UGT2B11: variants seen among roughly 807,000 people sequenced by gnomAD.
UGT2B11 encodes UDP-glucuronosyltransferase 2B11.
UGT2B11 carries 49 observed loss-of-function variants against 51.7 expected under a neutral mutation model. The ratio of observed to expected loss-of-function variants is 0.95; its 90% CI spans 0.75 to 1.20. The LOEUF (loss-of-function observed/expected upper bound fraction) is 1.20, where lower values mean the gene tolerates loss of function less well. UGT2B11 is among the 50% of genes most tolerant of loss of function. The pLI, the probability that UGT2B11 is intolerant of heterozygous loss-of-function variation, is 0.00. For synonymous variants in UGT2B11, 273 were observed against 209.0 expected (o/e 1.31, Z -2.64); for missense variants, 810 against 622.1 (o/e 1.30, Z -3.21).
At chr4:69,211,238 G>A (rs563380388) in intron 2 of UGT2B11, 3 of 151,652 alleles carry the variant, frequency 2.0e-5, no homozygotes, top group African/African-American at 7.2e-5. Flanking sequence ...CCCTGGGTTT[G>A]TCTGCACATA....
chr4:69,204,660 A>G lies in UGT2B11; in HGVS notation c.1091-11T>C, dbSNP rs887241658. 8 of 1,611,138 alleles carry G rather than the reference A, an allele frequency of 5.0e-6. 1 individual carries two copies. The highest frequency in any genetic ancestry group is 1.3e-5 in the African/African-American group (1 of 74,770). On this transcript the variant is annotated splice_polypyrimidine_tract_variant and intron_variant, in intron 4 of 5. Coordinates refer to ENST00000446444, the MANE Select transcript of UGT2B11 (RefSeq NM_001073.3). ...TGGTTTTTGGATGACCTAGGATTGG[A>G]TGAATTTTAGCAAAATTATTCATAG...
At chr4:69,209,747 A>C (rs538567143) in intron 2 of UGT2B11, among the ~76,000 whole-genome samples, 1 of 151,500 alleles carries the variant, frequency 6.6e-6, no homozygotes, top group Non-Finnish European at 1.5e-5. Context: ...CATTTAATGT[A>C]ACTCGTTTTC....
chr4:69,214,161 T>A lies in UGT2B11; in HGVS notation c.562A>T (p.Ile188Phe). Residue 188 changes from isoleucine (I) to phenylalanine (F), a missense_variant, in exon 1 of 6, where the codon ATT becomes TTT. Coordinates refer to ENST00000446444, the MANE Select transcript of UGT2B11 (RefSeq NM_001073.3). Reference sequence around the variant, plus strand: ...ATAGGTATGTAGGAAGGAGGGAAAATCAGTCCTCCACTGTGCCTTTCAATT... The same window carrying A: ...ATAGGTATGTAGGAAGGAGGGAAAAACAGTCCTCCACTGTGCCTTTCAATT... ...YTIERHSGGL[I>F]FPPSYIPIVM... The A allele has an allele frequency of 1.2e-6, 2 of 1,612,730 alleles. No homozygotes were observed. Among genetic ancestry groups the A allele is most frequent in the Non-Finnish European group, 1.7e-6 (2 of 1,179,284 alleles).
At chr4:69,204,166 A>C (rs1305338246) in intron 5 of UGT2B11, 1 of 265,866 alleles carries the variant, frequency 3.8e-6, no homozygotes, top group Non-Finnish European at 6.9e-6. Context: ...AATTTTAAGA[A>C]ATGTATTTTT....
chr4:69,219,186 G>C (rs563576198), upstream of UGT2B11, among the ~76,000 whole-genome samples: 27 of 152,128 alleles, frequency 1.8e-4, no homozygotes, highest in African/African-American at 6.0e-4. Flanking sequence ...TGGTGGCAGT[G>C]GCACTTCCTG....
At chr4:69,215,107 T>G (rs565698237), upstream of UGT2B11, 4 of 166,212 alleles carry the variant, frequency 2.4e-5, no homozygotes, top group African/African-American at 9.6e-5. Context: ...CGTGGTTCAA[T>G]GAATATCTTG....
intron 1 of UGT2B11, among the ~76,000 whole-genome samples, chr4:69,213,323 A>C (rs1722144861): frequency 6.6e-6 from 1 of 151,754 alleles, no homozygotes; most frequent in Non-Finnish European, 1.5e-5. Context: ...ACTGTACTCA[A>C]CCTTAATCTG....
upstream of UGT2B11, chr4:69,214,780 A>G: frequency 7.1e-6 from 11 of 1,560,130 alleles, no homozygotes; most frequent in Non-Finnish European, 7.8e-6. Flanking sequence ...ACTTATATAC[A>G]GAGATAAATC....
At chr4:69,208,994 T>C (rs1320118517) in intron 2 of UGT2B11, among the ~76,000 whole-genome samples, 2 of 151,668 alleles carry the variant, frequency 1.3e-5, no homozygotes, top group Non-Finnish European at 3.0e-5. Flanking sequence ...GGGATAATTT[T>C]ATATCTACAT....
chr4:69,224,211 T>G, the UGT2B11 span, among the ~76,000 whole-genome samples: 1 of 152,060 alleles, frequency 6.6e-6, no homozygotes, highest in Non-Finnish European at 1.5e-5. Flanking sequence ...AGGAAAGAAG[T>G]CTGGCCGGCG....
upstream of UGT2B11, among the ~76,000 whole-genome samples, chr4:69,217,235 T>A (rs1270540532): frequency 6.6e-6 from 1 of 152,136 alleles, no homozygotes; most frequent in East Asian, 1.9e-4. Flanking sequence ...TTCAGGTAAT[T>A]TGTACTTTTA....
the UGT2B11 span, among the ~76,000 whole-genome samples, chr4:69,221,054 C>G: frequency 1.3e-5 from 2 of 152,088 alleles, no homozygotes; most frequent in Non-Finnish European, 2.9e-5. Flanking sequence ...TAAGGGTTCG[C>G]GTGTGGCAAG....
upstream of UGT2B11, chr4:69,215,563 T>C (rs537093677): frequency 1.1e-4 from 17 of 152,180 alleles, no homozygotes; most frequent in African/African-American, 3.6e-4. Context: ...CTTTTGGCCA[T>C]TATGAATAGC....
the UGT2B11 span, among the ~76,000 whole-genome samples, chr4:69,222,509 G>A: frequency 6.6e-5 from 10 of 152,102 alleles, no homozygotes. Flanking sequence ...TCTACACTGA[G>A]GACTGCCTGT....
the UGT2B11 span, among the ~76,000 whole-genome samples, chr4:69,223,105 A>G: frequency 6.6e-6 from 1 of 152,208 alleles, no homozygotes; most frequent in Non-Finnish European, 1.5e-5. Flanking sequence ...GAAAAGATCT[A>G]GTTGTAGAAA....
chr4:69,200,366 T>A lies in UGT2B11; in HGVS notation c.*74A>T. 4 of 1,022,976 alleles carry A rather than the reference T, an allele frequency of 3.9e-6. No homozygotes were observed. The highest frequency in any genetic ancestry group is 5.3e-6 in the Non-Finnish European group (4 of 751,674). The allele number at this position is 1,022,976 out of a possible 1,614,324, so 63.4% of individuals were successfully genotyped here. ...GGAAGAAAGAAATCTTGCATAACAA[T>A]CTTTTCTTTCTTGCTGGAATAAACT... On this transcript the variant is annotated 3_prime_UTR_variant, in exon 6 of 6. Transcript: ENST00000446444.
upstream of UGT2B11, among the ~76,000 whole-genome samples, chr4:69,218,655 G>T (rs1722334682): frequency 6.6e-6 from 1 of 152,054 alleles, no homozygotes; most frequent in African/African-American, 2.4e-5. Flanking sequence ...CCGAGAGAAG[G>T]TTCTCGGATT....
At chr4:69,201,978 T>A (rs757074895) in intron 5 of UGT2B11, among the ~76,000 whole-genome samples, 5 of 151,770 alleles carry the variant, frequency 3.3e-5, no homozygotes, top group African/African-American at 1.2e-4. Flanking sequence ...TTCTGAACCT[T>A]TTAGTGACTA....
chr4:69,212,442 A>G (rs535224669), intron 2 of UGT2B11, 131 bp downstream of exon 2: 11 of 1,456,600 alleles, frequency 7.6e-6, no homozygotes, highest in East Asian at 4.8e-5. Flanking sequence ...GTTTCTAATT[A>G]GTATCTGCTT....
Sources: gnomAD v4.1 joint callset for allele counts (sites outside exome capture counted in the v4.1 genomes callset) on GRCh38, gnomAD v4.1.1 for gene constraint, MANE v1.5 for transcripts, NCBI Gene and HGNC (gene_info 2026-07-23, HGNC 2026-07-21) for gene names.